The following SMARCA2 variants were observed in gnomAD, a reference collection of about 807,000 sequenced individuals.
The protein encoded by SMARCA2 is SWI/SNF related BAF chromatin remodeling complex subunit ATPase 2, also known as SWI/SNF-related matrix-associated actin-dependent regulator of chromatin subfamily A member 2.
A neutral mutation model predicts 199.8 loss-of-function variants in SMARCA2; 61 were observed. The ratio of observed to expected loss-of-function variants is 0.31; its 90% CI spans 0.25 to 0.38. SMARCA2 has a LOEUF of 0.38. SMARCA2 is among the 10% of genes least tolerant of loss of function. The pLI is 1.00. For missense variants in SMARCA2, 1,344 were observed against 2,012.2 expected (o/e 0.67, Z 6.35); for synonymous variants, 935 against 732.0 (o/e 1.28, Z -4.48).
At chr9:2,040,065 C>A in intron 4 of SMARCA2, 165 bp downstream of exon 4, 1 of 1,327,986 alleles carries the variant, frequency 7.5e-7, no homozygotes, top group South Asian at 1.5e-5. Flanking sequence ...GATTCTTGGT[C>A]TTCCCCTGCT....
chr9:2,159,294 T>A, intron 27 of SMARCA2: 1 of 340,532 alleles, frequency 2.9e-6, no homozygotes, highest in Admixed American at 4.4e-5. Flanking sequence ...AGTGTTACAG[T>A]TGTTCTGAAT....
chr9:2,184,993 G>A (rs1043978627), intron 31 of SMARCA2, among the ~76,000 whole-genome samples: 1 of 152,158 alleles, frequency 6.6e-6, no homozygotes, highest in South Asian at 2.1e-4. Context: ...TGTTCCTAAA[G>A]AGCAGGGGTT....
chr9:2,149,859 T>C (rs1031464143), intron 27 of SMARCA2, among the ~76,000 whole-genome samples: 2 of 151,678 alleles, frequency 1.3e-5, no homozygotes, highest in Non-Finnish European at 3.0e-5. Context: ...ATTTTAGCTT[T>C]ATTAAATAAA....
intron 1 of SMARCA2, among the ~76,000 whole-genome samples, chr9:2,018,817 T>C (rs1373380406): frequency 6.6e-6 from 1 of 152,218 alleles, no homozygotes; most frequent in Non-Finnish European, 1.5e-5. Context: ...TCAAATATTT[T>C]CAGTAGTATT....
In SMARCA2 at chr9:2,081,378, C is replaced by T. The variant is rs1251271541; in HGVS notation, c.2185-454C>T. ...CCTCCTGTGGTCCCAGCAGAGTGTC[C>T]CTGGCTCCCTGGTCAGTCCGCCTTT... On this transcript the variant is annotated intron_variant, in intron 14 of 33. Coordinates refer to ENST00000349721, the MANE Select transcript of SMARCA2 (RefSeq NM_003070.5). Among the ~76,000 whole-genome samples, 3 of 152,170 alleles carry T rather than the reference C, an allele frequency of 2.0e-5. No homozygotes were observed. The East Asian group carries it at 5.8e-4, about 29-fold the overall frequency.
intron 27 of SMARCA2, among the ~76,000 whole-genome samples, chr9:2,135,624 C>T (rs1824160734): frequency 6.6e-6 from 1 of 152,198 alleles, no homozygotes; most frequent in Non-Finnish European, 1.5e-5. Context: ...TCACTGCAAC[C>T]TCTGCCTCCT....
At chr9:2,129,095 C>T (rs555178184) in intron 27 of SMARCA2, among the ~76,000 whole-genome samples, 8 of 152,290 alleles carry the variant, frequency 5.3e-5, no homozygotes, top group African/African-American at 1.7e-4. Context: ...CCATTAGCAA[C>T]GGATTCGGAT....
chr9:2,067,767 C>G (rs896372582), intron 9 of SMARCA2, among the ~76,000 whole-genome samples: 1 of 152,170 alleles, frequency 6.6e-6, no homozygotes, highest in Non-Finnish European at 1.5e-5. Context: ...TACTCTGTCT[C>G]TCAGATTTGA....
rs146792304 is a variant in SMARCA2 at position 2,171,762 on chromosome 9, T to G, written c.4253+1290T>G. Among the ~76,000 whole-genome samples, 246 of 152,328 alleles carry G rather than the reference T, an allele frequency of 1.6e-3. 1 individual carries two copies. Among genetic ancestry groups the G allele is most frequent in the African/African-American group, 5.6e-3 (231 of 41,568 alleles). On this transcript the variant is annotated intron_variant, in intron 29 of 33. Transcript: ENST00000349721. Reference sequence around the variant, plus strand: ...ACCCCTAATACCTAGAAAGGAGGCCTTAGGGCTAAATGGCATGATGTAAGC... The same window carrying G: ...ACCCCTAATACCTAGAAAGGAGGCCGTAGGGCTAAATGGCATGATGTAAGC...
chr9:2,015,701 A>G (rs1818324611), intron 1 of SMARCA2, among the ~76,000 whole-genome samples: 1 of 152,218 alleles, frequency 6.6e-6, no homozygotes, highest in African/African-American at 2.4e-5. Context: ...TTCTAATAAT[A>G]ACAGTAATAA....
chr9:2,077,165 C>T (rs981297023), intron 13 of SMARCA2, among the ~76,000 whole-genome samples: 1 of 152,080 alleles, frequency 6.6e-6, no homozygotes, highest in African/African-American at 2.4e-5. Context: ...TTCCTCCTTC[C>T]TACCCCTTTA....
intron 26 of SMARCA2, among the ~76,000 whole-genome samples, chr9:2,120,006 G>A (rs1040148741): frequency 6.6e-6 from 1 of 152,210 alleles, no homozygotes; most frequent in Non-Finnish European, 1.5e-5. Flanking sequence ...CAGGATCAAA[G>A]CAACATGCTC....
At chr9:2,143,187 A>G (rs1347390875) in intron 27 of SMARCA2, among the ~76,000 whole-genome samples, 1 of 152,216 alleles carries the variant, frequency 6.6e-6, no homozygotes, top group Non-Finnish European at 1.5e-5. Context: ...TTGGGTAGGA[A>G]AGAGGGATCA....
At chr9:2,097,673 C>T (rs577543404) in intron 21 of SMARCA2, among the ~76,000 whole-genome samples, 14 of 152,188 alleles carry the variant, frequency 9.2e-5, no homozygotes, top group Non-Finnish European at 1.6e-4. Context: ...TGGCACCAAG[C>T]ATTTGAGCAT....
At chr9:2,027,032 C>T (rs1032830132) in intron 1 of SMARCA2, among the ~76,000 whole-genome samples, 1 of 152,190 alleles carries the variant, frequency 6.6e-6, no homozygotes, top group African/African-American at 2.4e-5. Context: ...CCTTTGACTG[C>T]TTCCTGTTTC....
chr9:2,145,098 G>A (rs1162430677), intron 27 of SMARCA2, among the ~76,000 whole-genome samples: 2 of 152,076 alleles, frequency 1.3e-5, no homozygotes, highest in Admixed American at 1.3e-4. Flanking sequence ...TCAGGAGTTC[G>A]AAACCAGTCT....
At chr9:2,140,123 C>G (rs549028448) in intron 27 of SMARCA2, among the ~76,000 whole-genome samples, 2 of 152,258 alleles carry the variant, frequency 1.3e-5, no homozygotes, top group East Asian at 3.9e-4. Context: ...CTGCATAGAC[C>G]AAGACCAAGA....
At chr9:2,113,497 G>T (rs985250460) in intron 24 of SMARCA2, among the ~76,000 whole-genome samples, 4 of 152,176 alleles carry the variant, frequency 2.6e-5, no homozygotes, top group Non-Finnish European at 4.4e-5. Context: ...TCAGAAACAT[G>T]GAGTAATCCA....
At chr9:2,136,689 T>C (rs1402018727) in intron 27 of SMARCA2, among the ~76,000 whole-genome samples, 1 of 152,086 alleles carries the variant, frequency 6.6e-6, no homozygotes, top group Non-Finnish European at 1.5e-5. Flanking sequence ...GGAGCCAGGT[T>C]TGAGAGAGAC....
Sources: allele counts gnomAD v4.1 joint callset (sites outside exome capture counted in the v4.1 genomes callset), GRCh38; gene constraint gnomAD v4.1.1; transcripts MANE v1.5; gene names NCBI Gene and HGNC (gene_info 2026-07-23, HGNC 2026-07-21).